SLC16A9: variants seen among roughly 807,000 people sequenced by gnomAD.
The protein encoded by SLC16A9 is solute carrier family 16 member 9.
SLC16A9 carries 26 observed loss-of-function variants against 44.3 expected under a neutral mutation model. The ratio of observed to expected loss-of-function variants is 0.59; its 90% CI spans 0.43 to 0.81. SLC16A9 has a LOEUF of 0.81. Among genes scored for constraint, SLC16A9 ranks in the 40% least tolerant of loss-of-function variants. The probability of loss-of-function intolerance (pLI) is 0.00; values close to 1 mark genes in which losing one functional copy is unlikely to be tolerated. For synonymous variants in SLC16A9, 230 were observed against 225.1 expected (o/e 1.02, Z -0.19); for missense variants, 559 against 595.8 (o/e 0.94, Z 0.64).
rs180826355 is a variant in SLC16A9 at position 59,662,418 on chromosome 10, C to T, written c.436+1809G>A. Among the ~76,000 whole-genome samples, 402 of 151,794 alleles carry T rather than the reference C, an allele frequency of 2.6e-3. 1 individual carries two copies. Among genetic ancestry groups the T allele is most frequent in the Non-Finnish European group, 3.9e-3 (264 of 67,900 alleles). The stretch of plus-strand genomic sequence containing the variant: ...TTAGGAGGCTGAGGCAGGCAGATCA[C>T]AAGGTCAGGAGTTCAAGACCTCCAT... On this transcript the variant is annotated intron_variant, in intron 4 of 5. Transcript: ENST00000395348.
intron 1 of SLC16A9, among the ~76,000 whole-genome samples, chr10:59,700,865 T>A (rs1030007517): frequency 1.3e-5 from 2 of 152,160 alleles, no homozygotes; most frequent in Admixed American, 1.3e-4. Context: ...TCTCTGTTTT[T>A]ATGAACCACT....
intron 3 of SLC16A9, among the ~76,000 whole-genome samples, chr10:59,671,405 C>T (rs1839746940): frequency 6.6e-6 from 1 of 152,196 alleles, no homozygotes; most frequent in Non-Finnish European, 1.5e-5. Flanking sequence ...TAACTGTACA[C>T]TGAGGAAAGT....
chr10:59,706,291 C>A (rs1325302206), intron 1 of SLC16A9, among the ~76,000 whole-genome samples: 1 of 152,104 alleles, frequency 6.6e-6, no homozygotes, highest in Non-Finnish European at 1.5e-5. Flanking sequence ...ATAGTTCAGT[C>A]TCATCATCCA....
chr10:59,661,476 C>T (rs1564697317), intron 4 of SLC16A9, among the ~76,000 whole-genome samples: 1 of 152,108 alleles, frequency 6.6e-6, no homozygotes, highest in East Asian at 1.9e-4. Flanking sequence ...AACTACAAAC[C>T]ACTGCTCAAG....
chr10:59,708,479 T>C (rs1489512656), intron 1 of SLC16A9: 1 of 152,250 alleles, frequency 6.6e-6, no homozygotes, highest in Non-Finnish European at 1.5e-5. Context: ...CGGAAAATCC[T>C]GGGTGCAGGG....
At chr10:59,657,442 T>C (rs1450327686) in intron 4 of SLC16A9, among the ~76,000 whole-genome samples, 3 of 152,252 alleles carry the variant, frequency 2.0e-5, no homozygotes, top group African/African-American at 7.2e-5. Flanking sequence ...AACTCTGCTG[T>C]GACTTTTGTT....
At chr10:59,680,027 A>G (rs892106674) in intron 2 of SLC16A9, among the ~76,000 whole-genome samples, 2 of 152,144 alleles carry the variant, frequency 1.3e-5, no homozygotes, top group African/African-American at 4.8e-5. Context: ...TGAGACTACA[A>G]ACCTTTTAGA....
intron 1 of SLC16A9, among the ~76,000 whole-genome samples, chr10:59,695,011 A>G (rs1171638): frequency 6.6e-6 from 1 of 151,456 alleles, no homozygotes; most frequent in Non-Finnish European, 1.5e-5. Context: ...CAACAACATG[A>G]ATAACCTTAA....
At chr10:59,699,921 C>CACACACACACACACACAT (rs1280459925) in intron 1 of SLC16A9, among the ~76,000 whole-genome samples, 2 of 151,722 alleles carry the variant, frequency 1.3e-5, no homozygotes, top group Admixed American at 6.6e-5. Context: ...CACACACACA[C>CACACACACACACACACAT]ACACACACAC....
rs77970924 is a variant in SLC16A9 at position 59,669,317 on chromosome 10, G to C, written c.340+3453C>G. On this transcript the variant is annotated intron_variant, in intron 3 of 5. Coordinates refer to ENST00000395348, the MANE Select transcript of SLC16A9 (RefSeq NM_194298.3). ...TTGCCTGATTTAGAAAATTTATTGAGAAAACAGGAGACTCAATTCCCAGAT... is the reference window on the plus strand; with the variant it reads ...TTGCCTGATTTAGAAAATTTATTGACAAAACAGGAGACTCAATTCCCAGAT... Among the ~76,000 whole-genome samples the C allele has an allele frequency of 5.4e-3, 816 of 152,188 alleles. 2 individuals are homozygous for C. Among genetic ancestry groups the C allele is most frequent in the African/African-American group, 0.018 (762 of 41,526 alleles).
intron 1 of SLC16A9, among the ~76,000 whole-genome samples, chr10:59,692,775 G>T (rs1004703907): frequency 1.3e-5 from 2 of 152,038 alleles, no homozygotes; most frequent in African/African-American, 4.8e-5. Context: ...CCTCAGTTTG[G>T]GTGAAGGAAT....
intron 1 of SLC16A9, among the ~76,000 whole-genome samples, chr10:59,693,865 C>A (rs1477235625): frequency 6.6e-6 from 1 of 151,874 alleles, no homozygotes; most frequent in Non-Finnish European, 1.5e-5. Context: ...GATCCGCCTG[C>A]CTCTGCCTCC....
intron 3 of SLC16A9, among the ~76,000 whole-genome samples, chr10:59,667,715 C>T (rs1343209153): frequency 6.6e-6 from 1 of 152,074 alleles, no homozygotes; most frequent in African/African-American, 2.4e-5. Flanking sequence ...TCCTTGGCCT[C>T]CAACCAGTTT....
chr10:59,684,881 T>C (rs2132495164), intron 1 of SLC16A9, among the ~76,000 whole-genome samples: 1 of 152,184 alleles, frequency 6.6e-6, no homozygotes, highest in East Asian at 1.9e-4. Context: ...GATCATGCAC[T>C]GGATGTGGCT....
At chr10:59,654,912 A>C (rs574609210) in intron 4 of SLC16A9, among the ~76,000 whole-genome samples, 11 of 152,316 alleles carry the variant, frequency 7.2e-5, no homozygotes, top group African/African-American at 2.6e-4. Flanking sequence ...GGAATGGTTG[A>C]GAAATTTGCC....
intron 3 of SLC16A9, among the ~76,000 whole-genome samples, chr10:59,665,122 A>C (rs1839579793): frequency 6.6e-6 from 1 of 152,170 alleles, no homozygotes; most frequent in Non-Finnish European, 1.5e-5. Context: ...GATCATCTCC[A>C]AGGCTCTCGT....
At chr10:59,681,279 A>G (rs1839980025) in intron 2 of SLC16A9, among the ~76,000 whole-genome samples, 1 of 151,878 alleles carries the variant, frequency 6.6e-6, no homozygotes, top group African/African-American at 2.4e-5. Context: ...CTAATACTAT[A>G]TAAACACTGT....
rs1839226656 is a variant in SLC16A9 at position 59,652,548 on chromosome 10, T to C, written c.*224A>G. 1 of 407,006 alleles carries C rather than the reference T, an allele frequency of 2.5e-6. No individual in the cohort carries two copies. The highest frequency in any genetic ancestry group is 4.3e-5 in the Admixed American group (1 of 23,492). The allele number at this position is 407,006 out of a possible 1,614,324, so 25.2% of individuals were successfully genotyped here. ...TAACAGCAAAACAGAATAGTCCCAT[T>C]GATGGTGTGGGGAGGAGAAATAGAA... is the stretch of plus-strand genomic sequence containing the variant. On this transcript the variant is annotated 3_prime_UTR_variant, in exon 6 of 6. Coordinates refer to ENST00000395348, the MANE Select transcript of SLC16A9 (RefSeq NM_194298.3).
intron 3 of SLC16A9, among the ~76,000 whole-genome samples, chr10:59,664,994 T>TTGTTTG (rs1218087267): frequency 6.6e-6 from 1 of 152,058 alleles, no homozygotes; most frequent in Non-Finnish European, 1.5e-5. Context: ...GAGCATATGG[T>TTGTTTG]TGTTTGCTAT....
Sources: allele counts gnomAD v4.1 joint callset (sites outside exome capture counted in the v4.1 genomes callset), GRCh38; gene constraint gnomAD v4.1.1; transcripts MANE v1.5; gene names NCBI Gene and HGNC (gene_info 2026-07-23, HGNC 2026-07-21).